TUBGCP3: variants seen among roughly 807,000 people sequenced by gnomAD.
TUBGCP3 encodes the protein gamma-tubulin complex component 3.
Under a neutral mutation model 123.1 loss-of-function variants are expected in TUBGCP3, and 50 were observed. The observed-to-expected ratio is 0.41, with a 90% CI of 0.32 to 0.51. The LOEUF (loss-of-function observed/expected upper bound fraction) is 0.51, where lower values mean the gene tolerates loss of function less well. Ranked by LOEUF, TUBGCP3 falls within the 20% of genes least tolerant of loss-of-function variation. The pLI is 0.36. For missense variants in TUBGCP3, 882 were observed against 1,127.0 expected (o/e 0.78, Z 3.11); for synonymous variants, 405 against 413.9 (o/e 0.98, Z 0.26).
At chr13:112,579,145 A>G (rs1882084845) in intron 1 of TUBGCP3, among the ~76,000 whole-genome samples, 1 of 146,182 alleles carries the variant, frequency 6.8e-6, no homozygotes, top group South Asian at 2.1e-4. Flanking sequence ...CCAAGAAGAC[A>G]TATGAATGGC....
the TUBGCP3 span, among the ~76,000 whole-genome samples, chr13:112,601,201 A>AG: frequency 6.6e-6 from 1 of 152,062 alleles, no homozygotes; most frequent in African/African-American, 2.4e-5. Context: ...AAAAAAAAAA[A>AG]AAAAAAAAAT....
chr13:112,522,844 C>T (rs1237401715), intron 13 of TUBGCP3, among the ~76,000 whole-genome samples: 1 of 152,164 alleles, frequency 6.6e-6, no homozygotes, highest in African/African-American at 2.4e-5. Flanking sequence ...CCGTCCATAC[C>T]CATAAGATGT....
chr13:112,597,356 G>T, the TUBGCP3 span, among the ~76,000 whole-genome samples: 1 of 152,184 alleles, frequency 6.6e-6, no homozygotes, highest in East Asian at 1.9e-4. Flanking sequence ...CCTAGTACTT[G>T]CAAGAATCAA....
At chr13:112,556,663 T>G (rs1880071939) in intron 5 of TUBGCP3, among the ~76,000 whole-genome samples, 1 of 152,204 alleles carries the variant, frequency 6.6e-6, no homozygotes, top group Non-Finnish European at 1.5e-5. Flanking sequence ...ACTGTGACAC[T>G]GCCCCAGGCG....
At chr13:112,551,094 T>G (rs1441661259) in intron 8 of TUBGCP3, among the ~76,000 whole-genome samples, 12 of 151,188 alleles carry the variant, frequency 7.9e-5, no homozygotes, top group Non-Finnish European at 2.9e-5. Context: ...GCGAGACGAC[T>G]CCGTCTCAAA....
chr13:112,554,497 GGGCATGGTAAA>G (rs1323194633), intron 7 of TUBGCP3, among the ~76,000 whole-genome samples: 1 of 152,166 alleles, frequency 6.6e-6, no homozygotes, highest in Non-Finnish European at 1.5e-5. Context: ...CACAAGAAAT[GGGCATGGTAAA>G]GGCAGATTAT....
At chr13:112,568,712 A>G (rs1440030155) in intron 2 of TUBGCP3, among the ~76,000 whole-genome samples, 1 of 152,214 alleles carries the variant, frequency 6.6e-6, no homozygotes, top group Non-Finnish European at 1.5e-5. Flanking sequence ...CGTTTGGCTT[A>G]TACAGCCCAG....
intron 11 of TUBGCP3, among the ~76,000 whole-genome samples, chr13:112,536,949 A>T: frequency 6.6e-6 from 1 of 151,646 alleles, no homozygotes; most frequent in Non-Finnish European, 1.5e-5. Flanking sequence ...TTTTTTCTTA[A>T]TCTTTTGTAG....
intron 17 of TUBGCP3, among the ~76,000 whole-genome samples, chr13:112,515,315 G>C (rs1198367208): frequency 6.6e-6 from 1 of 152,172 alleles, no homozygotes. Flanking sequence ...CCTTGAATTG[G>C]TCTAAATCCA....
chr13:112,513,656 G>A (rs960168314), intron 17 of TUBGCP3, among the ~76,000 whole-genome samples: 4 of 152,178 alleles, frequency 2.6e-5, no homozygotes, highest in South Asian at 2.1e-4. Flanking sequence ...TTTCTAACGC[G>A]CTGGATTAGC....
intron 11 of TUBGCP3, among the ~76,000 whole-genome samples, chr13:112,529,738 C>T (rs565812230): frequency 6.6e-6 from 1 of 152,304 alleles, no homozygotes; most frequent in African/African-American, 2.4e-5. Flanking sequence ...CAGCACTTGG[C>T]AGTATTTTCA....
intron 1 of TUBGCP3, among the ~76,000 whole-genome samples, chr13:112,571,454 T>C (rs1484194165): frequency 4.6e-5 from 7 of 152,232 alleles, no homozygotes; most frequent in Non-Finnish European, 1.5e-5. Context: ...TAAAAAGATG[T>C]GCTGTCATCT....
Position 112,487,881 on chromosome 13 carries a change from C to T in TUBGCP3, c.2565+1700G>A, listed in dbSNP as rs144867617. Among the ~76,000 whole-genome samples, 137 of 152,138 alleles carry T rather than the reference C, an allele frequency of 9.0e-4. 1 individual carries two copies. In the Middle Eastern group the frequency reaches 0.014, roughly 15 times the overall value. ...GCATGGTGGCTCATGCCTGTAATCC[C>T]AGCACTTTGGGAAGCTGAGGCGGGT... On this transcript the variant is annotated intron_variant, in intron 21 of 21. Transcript: ENST00000261965.
chr13:112,558,177 C>T lies in TUBGCP3; in HGVS notation c.548+19G>A. 1 of 1,601,142 alleles carries T rather than the reference C, an allele frequency of 6.2e-7. No homozygotes were observed. Among genetic ancestry groups the T allele is most frequent in the East Asian group, 2.2e-5 (1 of 44,630 alleles). On this transcript the variant is annotated intron_variant, in intron 5 of 21. Transcript: ENST00000261965. Reference sequence around the variant, plus strand: ...GTTTCTAACACATAGAGAATCTATACACGTCAGTGTGGCCTTACCCTGGGA... The same window carrying T: ...GTTTCTAACACATAGAGAATCTATATACGTCAGTGTGGCCTTACCCTGGGA...
intron 2 of TUBGCP3, among the ~76,000 whole-genome samples, chr13:112,568,222 C>T (rs530487599): frequency 2.6e-5 from 4 of 152,172 alleles, no homozygotes; most frequent in South Asian, 2.1e-4. Context: ...ATCACTAAGA[C>T]CCAAGGCCAA....
At chr13:112,589,302 C>T (rs1882822537), upstream of TUBGCP3, among the ~76,000 whole-genome samples, 1 of 152,242 alleles carries the variant, frequency 6.6e-6, no homozygotes, top group Non-Finnish European at 1.5e-5. Context: ...CGCTGCATGA[C>T]TGCATCATCT....
chr13:112,525,999 G>C (rs1438463305), intron 13 of TUBGCP3, among the ~76,000 whole-genome samples: 1 of 151,944 alleles, frequency 6.6e-6, no homozygotes, highest in African/African-American at 2.4e-5. Flanking sequence ...TAAATCCTAT[G>C]GTACAAAAAA....
chr13:112,554,472 C>T (rs1024153204), intron 7 of TUBGCP3, among the ~76,000 whole-genome samples: 3 of 152,150 alleles, frequency 2.0e-5, no homozygotes, highest in Non-Finnish European at 4.4e-5. Flanking sequence ...CTAAGAGCCA[C>T]AGTGTGACCC....
chr13:112,559,538 A>C, intron 3 of TUBGCP3, 139 bp from the exon 4 acceptor site: 1 of 721,372 alleles, frequency 1.4e-6, no homozygotes, highest in Non-Finnish European at 2.1e-6. Flanking sequence ...ACAATTCATA[A>C]GTATTTTCAA....
Sources: allele counts gnomAD v4.1 joint callset (sites outside exome capture counted in the v4.1 genomes callset), GRCh38; gene constraint gnomAD v4.1.1; transcripts MANE v1.5; gene names NCBI Gene and HGNC (gene_info 2026-07-23, HGNC 2026-07-21).